The following ULK4 variants were observed in gnomAD, a reference collection of about 807,000 sequenced individuals.
The protein encoded by ULK4 is unc-51 like kinase 4.
In ULK4, 133 loss-of-function variants were observed where a neutral mutation model predicts 160.6. That is an observed-to-expected ratio of 0.83 (90% CI 0.72 to 0.96). The LOEUF (loss-of-function observed/expected upper bound fraction) is 0.96. Among genes scored for constraint, ULK4 ranks in the 40% least tolerant of loss-of-function variants. ULK4 has a pLI of 0.00. For synonymous variants in ULK4, 534 were observed against 539.8 expected (o/e 0.99, Z 0.15); for missense variants, 1,580 against 1,499.5 (o/e 1.05, Z -0.89).
intron 32 of ULK4, among the ~76,000 whole-genome samples, chr3:41,518,817 C>T (rs539579418): frequency 1.3e-5 from 2 of 152,144 alleles, no homozygotes; most frequent in Non-Finnish European, 2.9e-5. Context: ...ATTTCCTGAG[C>T]GTCAGCAGCC....
chr3:41,455,536 G>C lies in ULK4; in HGVS notation c.3453C>G (p.Asn1151Lys), dbSNP rs1200866977. The C allele has an allele frequency of 6.2e-7, 1 of 1,614,054 alleles. No homozygotes were observed. The highest frequency in any genetic ancestry group is 2.2e-5 in the East Asian group (1 of 44,862). ...PQAAEDLLLL[N>K]RPLTDLISLL... is the part of the protein sequence containing the mutation. ...GGCTAATCAGGTCTGTCAGAGGTCTGTTGAGCAGCAGCAGGTCTTCTGCAG... is the reference window on the plus strand; with the variant it reads ...GGCTAATCAGGTCTGTCAGAGGTCTCTTGAGCAGCAGCAGGTCTTCTGCAG... Residue 1151 changes from asparagine (N) to lysine (K), a missense_variant, in exon 34 of 37, where the codon AAC (asparagine) becomes AAG (lysine). Transcript: ENST00000301831.
At chr3:41,527,044 G>A (rs1320979066) in intron 32 of ULK4, among the ~76,000 whole-genome samples, 1 of 152,186 alleles carries the variant, frequency 6.6e-6, no homozygotes, top group Admixed American at 6.5e-5. Flanking sequence ...TACATAAAGT[G>A]CTTTACATAC....
intron 35 of ULK4, among the ~76,000 whole-genome samples, chr3:41,262,309 G>A (rs2078961126): frequency 1.3e-5 from 2 of 152,192 alleles, no homozygotes; most frequent in Admixed American, 1.3e-4. Flanking sequence ...AAATAGCTTG[G>A]CCTGTATTTA....
intron 32 of ULK4, among the ~76,000 whole-genome samples, chr3:41,496,286 G>T (rs2084985865): frequency 6.6e-6 from 1 of 152,056 alleles, no homozygotes; most frequent in South Asian, 2.1e-4. Flanking sequence ...CAACGATTAT[G>T]GTACAACTAG....
chr3:41,558,916 T>A (rs1448667103), intron 32 of ULK4, among the ~76,000 whole-genome samples: 1 of 147,718 alleles, frequency 6.8e-6, no homozygotes, highest in African/African-American at 2.4e-5. Flanking sequence ...AGGGTACATG[T>A]GCACAACGTG....
At chr3:41,340,385 A>G (rs2080657038) in intron 35 of ULK4, among the ~76,000 whole-genome samples, 1 of 152,350 alleles carries the variant, frequency 6.6e-6, no homozygotes, top group Middle Eastern at 3.4e-3. Context: ...AAGGTTATCC[A>G]TGGTTCTGGG....
At chr3:41,268,399 G>A (rs1559496508) in intron 35 of ULK4, among the ~76,000 whole-genome samples, 1 of 152,068 alleles carries the variant, frequency 6.6e-6, no homozygotes, top group East Asian at 1.9e-4. Flanking sequence ...TTACTTCTGC[G>A]GTACTTGGGT....
chr3:41,319,380 C>T (rs1177341904), intron 35 of ULK4, among the ~76,000 whole-genome samples: 1 of 152,214 alleles, frequency 6.6e-6, no homozygotes, highest in Non-Finnish European at 1.5e-5. Context: ...GCTAAAAGCA[C>T]TCTTCATATG....
At chr3:41,790,422 T>C (rs1047182835) in intron 20 of ULK4, among the ~76,000 whole-genome samples, 1 of 152,220 alleles carries the variant, frequency 6.6e-6, no homozygotes, top group East Asian at 1.9e-4. Flanking sequence ...CGTTCCTAAA[T>C]TGCTCTCAGA....
chr3:41,258,352 C>A (rs2078875093), intron 35 of ULK4: 1 of 152,066 alleles, frequency 6.6e-6, no homozygotes, highest in African/African-American at 2.4e-5. Flanking sequence ...TCAAAGTGAC[C>A]CTTGTCTACT....
At chr3:41,523,215 C>T (rs960514469) in intron 32 of ULK4, among the ~76,000 whole-genome samples, 1 of 152,116 alleles carries the variant, frequency 6.6e-6, no homozygotes, top group South Asian at 2.1e-4. Context: ...AGCCCCAGAC[C>T]AAGTTTTATT....
At chr3:41,292,505 G>A (rs553496425) in intron 35 of ULK4, among the ~76,000 whole-genome samples, 1 of 152,304 alleles carries the variant, frequency 6.6e-6, no homozygotes, top group African/African-American at 2.4e-5. Context: ...AATTAGCTGG[G>A]TGTGGTGGCA....
chr3:41,742,165 A>C (rs550335511), intron 22 of ULK4, among the ~76,000 whole-genome samples: 1 of 151,976 alleles, frequency 6.6e-6, no homozygotes, highest in East Asian at 1.9e-4. Context: ...ACCCACCCCC[A>C]GGGAAACAGG....
At chr3:41,433,837 A>G (rs1466084734) in intron 34 of ULK4, among the ~76,000 whole-genome samples, 2 of 152,170 alleles carry the variant, frequency 1.3e-5, no homozygotes, top group Non-Finnish European at 1.5e-5. Context: ...CTCCTGCCTC[A>G]GCCTCCAGAC....
chr3:41,680,540 T>C (rs1031457169), intron 29 of ULK4, among the ~76,000 whole-genome samples: 4 of 152,228 alleles, frequency 2.6e-5, no homozygotes, highest in African/African-American at 7.2e-5. Context: ...GCAATTTCAG[T>C]TATTTGGGTT....
rs547018601 is a variant in ULK4, at chr3:41,377,231, G to T, written c.3678+20848C>A. Among the ~76,000 whole-genome samples the T allele has an allele frequency of 1.9e-3, 296 of 152,292 alleles. 2 individuals are homozygous for T. The Middle Eastern group carries it at 0.02, about 11-fold the overall frequency. On this transcript the variant is annotated intron_variant, in intron 35 of 36. Transcript: ENST00000301831. Reference sequence around the variant, plus strand: ...CTTAGACAAAAATCAATTCAAGATGGATTAAAGACTTACACGTTAGATCTA... The same window carrying T: ...CTTAGACAAAAATCAATTCAAGATGTATTAAAGACTTACACGTTAGATCTA...
chr3:41,647,092 G>T (rs75315452), intron 30 of ULK4, among the ~76,000 whole-genome samples: 80 of 151,906 alleles, frequency 5.3e-4, no homozygotes, highest in African/African-American at 1.8e-3. Flanking sequence ...TTATACATTC[G>T]TCTAAATTTT....
intron 32 of ULK4, among the ~76,000 whole-genome samples, chr3:41,504,349 G>C (rs1481019737): frequency 1.3e-5 from 2 of 152,016 alleles, no homozygotes; most frequent in African/African-American, 4.8e-5. Flanking sequence ...ACATTGTTGT[G>C]ACCAGACCCT....
chr3:41,454,926 G>A (rs2083508988), intron 34 of ULK4, among the ~76,000 whole-genome samples: 1 of 152,092 alleles, frequency 6.6e-6, no homozygotes, highest in Admixed American at 6.6e-5. Context: ...TCGAACACCT[G>A]ATTCAAATGA....
Sources: allele counts gnomAD v4.1 joint callset (sites outside exome capture counted in the v4.1 genomes callset), GRCh38; gene constraint gnomAD v4.1.1; transcripts MANE v1.5; gene names NCBI Gene and HGNC (gene_info 2026-07-23, HGNC 2026-07-21).